Variants in PSD3 observed in about 807,000 individuals in gnomAD.
PSD3 encodes pleckstrin and Sec7 domain containing 3.
In PSD3, 49 loss-of-function variants were observed where a neutral mutation model predicts 105.5. That is an observed-to-expected ratio of 0.46 (90% CI 0.37 to 0.59). The LOEUF is 0.59. PSD3 is among the 20% of genes least tolerant of loss of function. The pLI is 0.00. For missense variants in PSD3, 1,561 were observed against 1,263.8 expected, an observed-to-expected ratio of 1.24 and a Z score of -3.57; for synonymous variants, 557 against 457.8, an observed-to-expected ratio of 1.22 and a Z score of -2.77.
At chr8:18,687,404 T>G (rs562189501) in intron 9 of PSD3, among the ~76,000 whole-genome samples, 94 of 151,982 alleles carry the variant, frequency 6.2e-4, no homozygotes, top group Non-Finnish European at 1.1e-3. Flanking sequence ...AGGTTGAGGT[T>G]GCAGTGAGCT....
At chr8:18,679,576 G>A (rs896592755) in intron 9 of PSD3, among the ~76,000 whole-genome samples, 1 of 152,182 alleles carries the variant, frequency 6.6e-6, no homozygotes, top group African/African-American at 2.4e-5. Context: ...ACCAACCTCG[G>A]CAAGATTTCT....
intron 4 of PSD3, among the ~76,000 whole-genome samples, chr8:18,825,988 G>A (rs1430443782): frequency 1.3e-5 from 2 of 152,194 alleles, no homozygotes; most frequent in Non-Finnish European, 2.9e-5. Context: ...TAGAAGAGAT[G>A]AGCGTTTGAG....
At chr8:19,040,461 CT>C (rs1441525253) in intron 1 of PSD3, among the ~76,000 whole-genome samples, 2 of 152,278 alleles carry the variant, frequency 1.3e-5, no homozygotes, top group East Asian at 3.9e-4. Context: ...ATGCCTCTGC[CT>C]CCCAAAGTGT....
intron 8 of PSD3, among the ~76,000 whole-genome samples, chr8:18,783,808 A>T (rs1322805341): frequency 1.3e-5 from 2 of 152,078 alleles, no homozygotes; most frequent in African/African-American, 4.8e-5. Context: ...AATTTTTTGT[A>T]TTCTGAAGTA....
intron 15 of PSD3, among the ~76,000 whole-genome samples, chr8:18,555,918 G>A (rs1226781141): frequency 6.6e-6 from 1 of 152,176 alleles, no homozygotes; most frequent in Non-Finnish European, 1.5e-5. Flanking sequence ...ACCCTGGTGT[G>A]TCCCTCTACT....
At chr8:18,971,747 G>A (rs1011597761) in intron 1 of PSD3, among the ~76,000 whole-genome samples, 3 of 152,192 alleles carry the variant, frequency 2.0e-5, no homozygotes, top group Non-Finnish European at 4.4e-5. Context: ...GCTCACACCT[G>A]TAATCTCAGC....
chr8:18,930,705 G>A (rs201209399), intron 2 of PSD3, among the ~76,000 whole-genome samples: 3 of 151,786 alleles, frequency 2.0e-5, no homozygotes, highest in East Asian at 1.9e-4. Context: ...GAGTAGCTGC[G>A]ATGACAGGCA....
At chr8:18,548,573 C>T (rs1011314515) in intron 15 of PSD3, among the ~76,000 whole-genome samples, 20 of 152,160 alleles carry the variant, frequency 1.3e-4, no homozygotes, top group Admixed American at 2.0e-4. Context: ...TTACACTGTA[C>T]GTGTTCTCTT....
At chr8:18,812,204 CATG>C (rs938723950) in intron 4 of PSD3, among the ~76,000 whole-genome samples, 1 of 152,166 alleles carries the variant, frequency 6.6e-6, no homozygotes, top group African/African-American at 2.4e-5. Flanking sequence ...TAGCTGTTCA[CATG>C]ATGTTTGACA....
At chr8:18,977,756 G>T (rs1016829651) in intron 1 of PSD3, among the ~76,000 whole-genome samples, 1 of 152,080 alleles carries the variant, frequency 6.6e-6, no homozygotes, top group Admixed American at 6.6e-5. Context: ...AATATTACCA[G>T]TGGTCTCTCT....
intron 2 of PSD3, among the ~76,000 whole-genome samples, chr8:18,893,661 G>A (rs1006225857): frequency 1.5e-4 from 23 of 150,854 alleles, no homozygotes; most frequent in African/African-American, 5.6e-4. Flanking sequence ...AGGCCCAGGA[G>A]CAGAGCACAT....
chr8:18,555,878 G>C (rs764468417), intron 15 of PSD3, among the ~76,000 whole-genome samples: 1 of 152,224 alleles, frequency 6.6e-6, no homozygotes, highest in Admixed American at 6.5e-5. Context: ...TCTGCCGGAA[G>C]AGACACAGGG....
intron 11 of PSD3, among the ~76,000 whole-genome samples, chr8:18,629,074 A>C (rs1806705894): frequency 6.6e-6 from 1 of 151,978 alleles, no homozygotes; most frequent in Non-Finnish European, 1.5e-5. Context: ...CACAACCATA[A>C]ATTAACAATA....
chr8:18,734,865 C>G (rs1233416125), intron 9 of PSD3, among the ~76,000 whole-genome samples: 1 of 152,082 alleles, frequency 6.6e-6, no homozygotes, highest in Non-Finnish European at 1.5e-5. Context: ...TCAAAAGCTT[C>G]CAGAGAACAG....
chr8:18,560,175 T>TACAC (rs5889808), intron 14 of PSD3, among the ~76,000 whole-genome samples: 3,649 of 143,402 alleles, frequency 0.025, 70 homozygotes, highest in South Asian at 0.048. Flanking sequence ...ATACACATTT[T>TACAC]ACACACACAC....
intron 4 of PSD3, among the ~76,000 whole-genome samples, chr8:18,829,906 T>C (rs1374338940): frequency 6.6e-6 from 1 of 152,128 alleles, no homozygotes; most frequent in Non-Finnish European, 1.5e-5. Flanking sequence ...TAAAAAATAA[T>C]AATCACAACC....
intron 1 of PSD3, among the ~76,000 whole-genome samples, chr8:18,973,375 C>T (rs887274623): frequency 1.4e-4 from 21 of 152,148 alleles, no homozygotes; most frequent in African/African-American, 5.1e-4. Flanking sequence ...GCTGGAAGTC[C>T]AAGAGCATGG....
rs537130967 is a variant in PSD3, at chr8:19,044,763, A to G, written c.324+39443T>C. Among the ~76,000 whole-genome samples, 6 of 152,292 alleles carry G rather than the reference A, an allele frequency of 3.9e-5. No homozygotes were observed. The South Asian group carries it at 1.2e-3, about 32-fold the overall frequency. ...TATGAGAACTTTGCTCAGTGGTACCATAAAGCCTTACAGAAGAGATTCTTC... is the reference window on the plus strand; with the variant it reads ...TATGAGAACTTTGCTCAGTGGTACCGTAAAGCCTTACAGAAGAGATTCTTC... On this transcript the variant is annotated intron_variant, in intron 1 of 1. Transcript: ENST00000521475.
intron 8 of PSD3, among the ~76,000 whole-genome samples, chr8:18,774,282 T>G (rs1424957017): frequency 1.3e-5 from 2 of 152,328 alleles, no homozygotes; most frequent in South Asian, 2.1e-4. Flanking sequence ...AGAGTACATG[T>G]GATATCTTGA....
Sources: allele counts gnomAD v4.1 joint callset (sites outside exome capture counted in the v4.1 genomes callset), GRCh38; gene constraint gnomAD v4.1.1; transcripts MANE v1.5; gene names NCBI Gene and HGNC (gene_info 2026-07-23, HGNC 2026-07-21).